GPR161: variants seen among roughly 807,000 people sequenced by gnomAD.
GPR161 encodes G protein-coupled receptor 161.
In GPR161, 25 loss-of-function variants were observed where a neutral mutation model predicts 39.2. The ratio of observed to expected loss-of-function variants is 0.64; its 90% CI spans 0.47 to 0.89. The LOEUF is 0.89. GPR161 is among the 40% of genes least tolerant of loss of function. The pLI, the probability that GPR161 is intolerant of heterozygous loss-of-function variation, is 0.00. For synonymous variants in GPR161, 286 were observed against 276.6 expected, an observed-to-expected ratio of 1.03 and a Z score of -0.34; for missense variants, 547 against 677.8, an observed-to-expected ratio of 0.81 and a Z score of 2.14.
At chr1:168,135,067 G>A in intron 1 of GPR161, 1 of 1,484,552 alleles carries the variant, frequency 6.7e-7, no homozygotes, top group South Asian at 1.3e-5. Context: ...TTCGGATATC[G>A]TTGCGGCCTT....
chr1:168,102,579 C>T (rs1696206575), intron 2 of GPR161, among the ~76,000 whole-genome samples: 1 of 152,186 alleles, frequency 6.6e-6, no homozygotes, highest in Non-Finnish European at 1.5e-5. Context: ...ACTTTGCTGG[C>T]ATGATTTGAG....
At position 168,085,474 on chromosome 1, in the gene GPR161, G is replaced by A; in HGVS notation, c.*57C>T. On this transcript the variant is annotated 3_prime_UTR_variant, in exon 6 of 6. Transcript: ENST00000682931. ...CCAAGGCCGCGGCACAGGCGGTGATGGGAACTCCTCCCCGGGCCAGCCTCT... is the reference window on the plus strand; with the variant it reads ...CCAAGGCCGCGGCACAGGCGGTGATAGGAACTCCTCCCCGGGCCAGCCTCT... The A allele has an allele frequency of 6.5e-7, 1 of 1,535,832 alleles. No individual in the cohort carries two copies. The highest frequency in any genetic ancestry group is 8.9e-7 in the Non-Finnish European group (1 of 1,126,082).
chr1:168,133,578 T>C (rs950063237), intron 1 of GPR161, among the ~76,000 whole-genome samples: 1 of 152,246 alleles, frequency 6.6e-6, no homozygotes, highest in African/African-American at 2.4e-5. Flanking sequence ...TAAGTCATAT[T>C]GTTAAATCAG....
intron 3 of GPR161, among the ~76,000 whole-genome samples, chr1:168,091,460 T>C (rs1695060076): frequency 1.3e-5 from 2 of 152,116 alleles, no homozygotes; most frequent in South Asian, 4.2e-4. Flanking sequence ...CCACCAAGCC[T>C]AGAGGAAAGA....
rs1351274332 is a variant in GPR161 at position 168,096,983 on chromosome 1, A to G, written c.624T>C (p.Tyr208=). The part of the protein sequence containing the change: ...LFPFLVMLVC[Y]GFIFRVARVK... ...CCCTGGCCACGCGGAAGATGAAGCC[A>G]TAGCACACCAGCATGACCAGAAAGG... Residue 208 remains tyrosine (Y), a synonymous_variant, in exon 3 of 6, where the codon TAT becomes TAC. Coordinates refer to ENST00000682931, the MANE Select transcript of GPR161 (RefSeq NM_001375883.1). The G allele has an allele frequency of 1.2e-6, 2 of 1,614,182 alleles. No homozygotes were observed. Among genetic ancestry groups the G allele is most frequent in the South Asian group, 1.1e-5 (1 of 91,080 alleles).
chr1:168,134,130 GCTGT>G (rs1041695485), intron 1 of GPR161, among the ~76,000 whole-genome samples: 12 of 152,166 alleles, frequency 7.9e-5, no homozygotes, highest in Non-Finnish European at 1.3e-4. Context: ...TGGGAGGTAG[GCTGT>G]CTGACTTCAG....
At chr1:168,136,985 C>G, upstream of GPR161, 5 of 917,492 alleles carry the variant, frequency 5.4e-6, no homozygotes, top group African/African-American at 2.0e-5. Context: ...CCGGGCCCCT[C>G]CGGCCCCCGG....
chr1:168,113,866 A>T (rs1292900864), intron 1 of GPR161, among the ~76,000 whole-genome samples: 1 of 152,214 alleles, frequency 6.6e-6, no homozygotes. Flanking sequence ...AGAAAAAATA[A>T]CTATTAGGTA....
At chr1:168,087,300 C>A (rs375557993) in intron 5 of GPR161, among the ~76,000 whole-genome samples, 1 of 152,254 alleles carries the variant, frequency 6.6e-6, no homozygotes, top group African/African-American at 2.4e-5. Context: ...CCATACCTCA[C>A]CCAGGATCTG....
chr1:168,128,750 GC>G (rs1180203022), intron 1 of GPR161, among the ~76,000 whole-genome samples: 1 of 152,124 alleles, frequency 6.6e-6, no homozygotes, highest in Non-Finnish European at 1.5e-5. Flanking sequence ...GGCAAACTAA[GC>G]CCATATTCCT....
At chr1:168,103,427 G>GGAA (rs1553264449) in intron 2 of GPR161, among the ~76,000 whole-genome samples, 21 of 117,340 alleles carry the variant, frequency 1.8e-4, no homozygotes, top group African/African-American at 5.4e-4. Flanking sequence ...ACTACTCAGG[G>GGAA]AAAAAAAAAA....
At chr1:168,123,871 G>A (rs1422333061) in intron 1 of GPR161, among the ~76,000 whole-genome samples, 1 of 152,212 alleles carries the variant, frequency 6.6e-6, no homozygotes, top group Non-Finnish European at 1.5e-5. Context: ...CGCTGAAGCA[G>A]CCCAAGCTAC....
intron 1 of GPR161, among the ~76,000 whole-genome samples, chr1:168,112,429 G>A (rs539254526): frequency 2.3e-4 from 30 of 127,816 alleles, no homozygotes; most frequent in East Asian, 7.3e-4. Flanking sequence ...GCAGTGAGCC[G>A]AGATCGCGCC....
In GPR161 at chr1:168,080,792, A is replaced by T. The variant is rs1694010211; in HGVS notation, c.*4739T>A. On this transcript the variant is annotated 3_prime_UTR_variant, in exon 6 of 6. Coordinates refer to ENST00000682931, the MANE Select transcript of GPR161 (RefSeq NM_001375883.1). ...GGCCCTGGGGATTTGATCATCTTTGATAGTCATTCCGGACAAATTAGAATG... is the reference window on the plus strand; with the variant it reads ...GGCCCTGGGGATTTGATCATCTTTGTTAGTCATTCCGGACAAATTAGAATG... The T allele has an allele frequency of 6.6e-6, 1 of 152,366 alleles. No individual in the cohort carries two copies. Among genetic ancestry groups the T allele is most frequent in the Admixed American group, 6.5e-5 (1 of 15,306 alleles). The allele number at this position is 152,366 out of a possible 1,614,324, so 9.4% of individuals were successfully genotyped here.
At chr1:168,108,486 T>TAAA (rs10670498) in intron 1 of GPR161, among the ~76,000 whole-genome samples, 1,699 of 17,450 alleles carry the variant, frequency 0.097, 386 homozygotes, top group African/African-American at 0.12. Context: ...GCCCTAGTTG[T>TAAA]AAAAAAAAAA....
At chr1:168,121,951 C>A (rs895409058) in intron 1 of GPR161, among the ~76,000 whole-genome samples, 2 of 152,214 alleles carry the variant, frequency 1.3e-5, no homozygotes, top group African/African-American at 4.8e-5. Context: ...CAAGGCTGTT[C>A]CAAGTCTGTT....
intron 2 of GPR161, among the ~76,000 whole-genome samples, chr1:168,102,317 C>T (rs1696180387): frequency 6.6e-6 from 1 of 152,220 alleles, no homozygotes. Flanking sequence ...CACTCACTGC[C>T]AGCCCATCAG....
intron 4 of GPR161, 61 bp downstream of exon 4, chr1:168,090,503 G>A (rs373918150): frequency 5.3e-5 from 51 of 963,400 alleles, no homozygotes; most frequent in Non-Finnish European, 7.3e-5. Context: ...AACGCGACAC[G>A]GGGGAAACGC....
chr1:168,089,938 T>G (rs1694891659), intron 4 of GPR161, among the ~76,000 whole-genome samples: 2 of 152,260 alleles, frequency 1.3e-5, no homozygotes, highest in African/African-American at 4.8e-5. Context: ...TCTGCAGGAT[T>G]TGTGGTGGAG....
Sources: allele counts gnomAD v4.1 joint callset (sites outside exome capture counted in the v4.1 genomes callset), GRCh38; gene constraint gnomAD v4.1.1; transcripts MANE v1.5; gene names NCBI Gene and HGNC (gene_info 2026-07-23, HGNC 2026-07-21).